The following TTC7B variants were observed in gnomAD, a reference collection of about 807,000 sequenced individuals.
The protein encoded by TTC7B is tetratricopeptide repeat protein 7B.
TTC7B carries 28 observed loss-of-function variants against 106.8 expected under a neutral mutation model. The observed-to-expected ratio is 0.26, with a 90% confidence interval of 0.19 to 0.36. The LOEUF (loss-of-function observed/expected upper bound fraction) is 0.36, where lower values mean the gene tolerates loss of function less well. Among genes scored for constraint, TTC7B ranks in the 10% least tolerant of loss-of-function variants. TTC7B has a pLI of 1.00. For synonymous variants in TTC7B, 405 were observed against 430.6 expected (o/e 0.94, Z 0.74); for missense variants, 862 against 1,076.4 (o/e 0.80, Z 2.79).
chr14:90,557,370 T>A (rs1048906911), intron 19 of TTC7B, among the ~76,000 whole-genome samples: 7 of 152,166 alleles, frequency 4.6e-5, no homozygotes, highest in Admixed American at 6.5e-5. Context: ...CAACTGCCAC[T>A]TAGGCAGAGG....
chr14:90,706,011 G>A (rs1488916915), intron 5 of TTC7B, among the ~76,000 whole-genome samples: 1 of 152,062 alleles, frequency 6.6e-6, no homozygotes, highest in Non-Finnish European at 1.5e-5. Flanking sequence ...ATTCAGGGTC[G>A]ATCCCTTTGG....
chr14:90,647,932 G>A (rs995658116), intron 13 of TTC7B, among the ~76,000 whole-genome samples: 9 of 152,004 alleles, frequency 5.9e-5, no homozygotes, highest in South Asian at 2.1e-4. Flanking sequence ...GATTAAAGGA[G>A]GATCTTCTAC....
chr14:90,591,568 G>A (rs1364006076), intron 18 of TTC7B, among the ~76,000 whole-genome samples: 2 of 152,194 alleles, frequency 1.3e-5, no homozygotes, highest in African/African-American at 4.8e-5. Context: ...ACAAGCAAGA[G>A]AAGCACCACC....
intron 3 of TTC7B, among the ~76,000 whole-genome samples, chr14:90,767,822 A>G (rs895025943): frequency 6.6e-6 from 1 of 152,204 alleles, no homozygotes; most frequent in Non-Finnish European, 1.5e-5. Context: ...TATAGAAGGA[A>G]AAGAGGGAGA....
chr14:90,606,572 C>T (rs1368889198), intron 17 of TTC7B, among the ~76,000 whole-genome samples: 1 of 152,134 alleles, frequency 6.6e-6, no homozygotes, highest in Non-Finnish European at 1.5e-5. Flanking sequence ...AAAGAAAAGA[C>T]AATGACTCAG....
intron 8 of TTC7B, 138 bp downstream of exon 8, chr14:90,680,334 G>GT: frequency 3.1e-6 from 2 of 640,082 alleles, no homozygotes; most frequent in Non-Finnish European, 5.4e-6. Context: ...AACCTCTACT[G>GT]TTTTTTCCCA....
At chr14:90,622,682 A>C (rs1275148225) in intron 15 of TTC7B, among the ~76,000 whole-genome samples, 3 of 152,158 alleles carry the variant, frequency 2.0e-5, no homozygotes, top group Admixed American at 6.5e-5. Context: ...GTGAGCTGAG[A>C]TCATGCCACT....
intron 15 of TTC7B, among the ~76,000 whole-genome samples, chr14:90,631,809 C>T (rs1172381737): frequency 6.6e-6 from 1 of 152,184 alleles, no homozygotes; most frequent in East Asian, 1.9e-4. Context: ...AAAATCCATC[C>T]TACTGGGTAT....
At chr14:90,681,699 G>A (rs1887054596) in intron 7 of TTC7B, among the ~76,000 whole-genome samples, 1 of 152,172 alleles carries the variant, frequency 6.6e-6, no homozygotes, top group African/African-American at 2.4e-5. Context: ...TTATGAAAAG[G>A]CTGGCCTGAG....
At chr14:90,801,393 A>T (rs745501939) in intron 1 of TTC7B, among the ~76,000 whole-genome samples, 2 of 152,138 alleles carry the variant, frequency 1.3e-5, no homozygotes, top group Non-Finnish European at 2.9e-5. Context: ...CCAGAACGCT[A>T]AGAGAAGACA....
rs1304141682 is a variant in TTC7B at position 90,534,980 on chromosome 14, A to C, written c.*6388T>G. 6.6e-6 allele frequency: 1 copy of C among 152,372 alleles called. No individual in the cohort carries two copies. The highest frequency in any genetic ancestry group is 6.5e-5 in the Admixed American group (1 of 15,286). 9.4% of individuals were successfully genotyped at this position (152,372 alleles called of 1,614,324 possible). A position where few individuals can be genotyped will look rare whatever the true frequency, so the allele number is the denominator to read the frequency against. On this transcript the variant is annotated 3_prime_UTR_variant, in exon 20 of 20. Transcript: ENST00000328459. Reference sequence around the variant, plus strand: ...CATCTGGAGGAGTCTGGGTTGCTCCATGTGATCACAGACACGCCCACCTGT... The same window carrying C: ...CATCTGGAGGAGTCTGGGTTGCTCCCTGTGATCACAGACACGCCCACCTGT...
chr14:90,810,845 G>A (rs1419495865), intron 1 of TTC7B, among the ~76,000 whole-genome samples: 1 of 152,238 alleles, frequency 6.6e-6, no homozygotes, highest in Non-Finnish European at 1.5e-5. Context: ...GTAGGCTTTT[G>A]ATCTGCAGAG....
In TTC7B at chr14:90,533,032, C is replaced by T. The variant is rs1889322686; in HGVS notation, c.*8336G>A. ...TGAATCTTTACAACCACCTTGTTCTCCCCATTTCACAGATGAGGAAACCGA... is the reference window on the plus strand; with the variant it reads ...TGAATCTTTACAACCACCTTGTTCTTCCCATTTCACAGATGAGGAAACCGA... On this transcript the variant is annotated 3_prime_UTR_variant, in exon 20 of 20. Coordinates refer to ENST00000328459, the MANE Select transcript of TTC7B (RefSeq NM_001010854.2). The T allele has an allele frequency of 6.5e-6, 1 of 153,202 alleles. No homozygotes were observed. Among genetic ancestry groups the T allele is most frequent in the Middle Eastern group, 3.2e-3 (1 of 310 alleles). 9.5% of individuals were successfully genotyped at this position (153,202 alleles called of 1,614,324 possible). A position where few individuals can be genotyped will look rare whatever the true frequency, so the allele number is the denominator to read the frequency against.
rs1371767984 is a variant in TTC7B at position 90,807,411 on chromosome 14, G to A, written c.121+8764C>T. On this transcript the variant is annotated intron_variant, in intron 1 of 19. Transcript: ENST00000328459. This position sits in a 1 kb window ranked among gnomAD's most constrained non-coding sequence, Gnocchi z 4.1. Reference sequence around the variant, plus strand: ...ACTCCGGGCACCATAATCACTTGGGGCCCTGGGATCCTGCTTCCTGAGTCC... The same window carrying A: ...ACTCCGGGCACCATAATCACTTGGGACCCTGGGATCCTGCTTCCTGAGTCC... Among the ~76,000 whole-genome samples the A allele has an allele frequency of 6.6e-6, 1 of 152,158 alleles. No homozygotes were observed. Among genetic ancestry groups the A allele is most frequent in the African/African-American group, 2.4e-5 (1 of 41,422 alleles).
At chr14:90,756,372 C>CTTTTTTTTTTTT (rs34712356) in intron 3 of TTC7B, among the ~76,000 whole-genome samples, 1 of 139,758 alleles carries the variant, frequency 7.2e-6, no homozygotes. Flanking sequence ...TTATTTTCTT[C>CTTTTTTTTTTTT]TTTTTTTTTT....
intron 3 of TTC7B, among the ~76,000 whole-genome samples, chr14:90,762,783 T>C (rs1027982905): frequency 5.3e-5 from 8 of 152,258 alleles, no homozygotes; most frequent in Non-Finnish European, 1.0e-4. Context: ...GGATCAGGGC[T>C]GTTTGCCATG....
At chr14:90,565,610 C>G (rs1195075026) in intron 19 of TTC7B, among the ~76,000 whole-genome samples, 1 of 151,998 alleles carries the variant, frequency 6.6e-6, no homozygotes, top group Non-Finnish European at 1.5e-5. Flanking sequence ...CTGTGTTGGC[C>G]AGGATGGTCT....
intron 17 of TTC7B, among the ~76,000 whole-genome samples, chr14:90,594,919 G>C (rs1359403954): frequency 1.3e-5 from 2 of 152,190 alleles, no homozygotes; most frequent in African/African-American, 4.8e-5. Flanking sequence ...CTTTGGTGAG[G>C]GGTTGGTGGA....
chr14:90,648,803 T>A (rs1204673051), intron 13 of TTC7B: 3 of 152,264 alleles, frequency 2.0e-5, no homozygotes, highest in Non-Finnish European at 2.9e-5. Flanking sequence ...CTCATAATTA[T>A]TCAGGAAAAA....
Sources: allele counts gnomAD v4.1 joint callset (sites outside exome capture counted in the v4.1 genomes callset), GRCh38; gene constraint gnomAD v4.1.1; non-coding constraint Gnocchi (gnomAD v3.1); transcripts MANE v1.5; gene names NCBI Gene and HGNC (gene_info 2026-07-23, HGNC 2026-07-21).